The following KAZN variants were observed in gnomAD, a reference collection of about 807,000 sequenced individuals.
The protein encoded by KAZN is kazrin.
In KAZN, 40 loss-of-function variants were observed where a neutral mutation model predicts 87.4. The ratio of observed to expected loss-of-function variants is 0.46; its 90% confidence interval spans 0.36 to 0.60. KAZN has a LOEUF of 0.60. Among genes scored for constraint, KAZN ranks in the 20% least tolerant of loss-of-function variants. KAZN has a pLI of 0.00. For synonymous variants in KAZN, 466 were observed against 458.3 expected, an observed-to-expected ratio of 1.02 and a Z score of -0.22; for missense variants, 898 against 1,073.9, an observed-to-expected ratio of 0.84 and a Z score of 2.29.
rs962718802 is a variant in KAZN at position 14,956,419 on chromosome 1, G to A, written c.227-4265G>A. The stretch of plus-strand genomic sequence containing the variant: ...GTTCGAGACCAGCCTAGCCAACATG[G>A]TGAAACCCCATCTCTACTAAAAATA... On this transcript the variant is annotated intron_variant, in intron 1 of 14. Coordinates refer to ENST00000376030, the MANE Select transcript of KAZN (RefSeq NM_201628.3). 3.3e-5 allele frequency among the ~76,000 whole-genome samples: 5 copies of A among 151,726 alleles called. No individual in the cohort carries two copies. In the East Asian group the frequency reaches 9.6e-4, roughly 29 times the overall value.
intron 1 of KAZN, among the ~76,000 whole-genome samples, chr1:14,070,722 G>A (rs1289413573): frequency 6.6e-6 from 1 of 152,154 alleles, no homozygotes; most frequent in East Asian, 1.9e-4. Flanking sequence ...TACACATATT[G>A]TTTTAAAGCA....
rs141881225 is a variant in KAZN at position 15,060,248 on chromosome 1, G to A, written c.993G>A (p.Ser331=). ...SDASAAEGDR[S]STPSDINSPR... is the part of the protein sequence containing the mutation. ...CATCTGCCGCCGAAGGCGACCGGTC[G>A]TCCACACCGAGCGACATCAACTCCC... is the stretch of plus-strand genomic sequence containing the variant. The change falls in exon 6 of 15, where the codon TCG becomes TCA. Residue 331 remains serine (S), a synonymous_variant. Transcript: ENST00000376030. 16 of 1,614,050 alleles carry A rather than the reference G, an allele frequency of 9.9e-6. No homozygotes were observed. The African/African-American group carries it at 1.2e-4, about 12-fold the overall frequency.
chr1:14,650,895 A>T (rs956979900), intron 1 of KAZN, among the ~76,000 whole-genome samples: 11 of 152,192 alleles, frequency 7.2e-5, no homozygotes, highest in African/African-American at 2.7e-4. Context: ...TGGTTTAGGA[A>T]ATCAAGGAGA....
chr1:14,855,023 C>G (rs1449793398), intron 1 of KAZN, among the ~76,000 whole-genome samples: 1 of 151,878 alleles, frequency 6.6e-6, no homozygotes, highest in South Asian at 2.1e-4. Context: ...CACACAGGTG[C>G]AATTATTCCA....
intron 2 of KAZN, among the ~76,000 whole-genome samples, chr1:15,005,360 G>T (rs1668894833): frequency 6.6e-6 from 1 of 152,158 alleles, no homozygotes; most frequent in Non-Finnish European, 1.5e-5. Context: ...TCGATGCTGT[G>T]TGCACCCTGC....
At chr1:13,942,838 C>G (rs1379949382) in intron 1 of KAZN, among the ~76,000 whole-genome samples, 1 of 152,068 alleles carries the variant, frequency 6.6e-6, no homozygotes, top group African/African-American at 2.4e-5. Context: ...CTGAGAAGTA[C>G]TTTAGCTAAA....
At chr1:14,271,395 C>T (rs1010798616) in intron 2 of KAZN, among the ~76,000 whole-genome samples, 5 of 152,154 alleles carry the variant, frequency 3.3e-5, no homozygotes, top group Admixed American at 3.3e-4. Flanking sequence ...TCTTAGCTAC[C>T]CAGTTGTGAT....
intron 2 of KAZN, among the ~76,000 whole-genome samples, chr1:14,551,664 G>A (rs1156230486): frequency 6.6e-6 from 1 of 152,182 alleles, no homozygotes. Flanking sequence ...TGGTGAGTTA[G>A]TGGGTGGAGG....
At chr1:14,992,288 A>G (rs550194297) in intron 2 of KAZN, among the ~76,000 whole-genome samples, 2 of 152,228 alleles carry the variant, frequency 1.3e-5, no homozygotes, top group East Asian at 3.9e-4. Flanking sequence ...AGATGGGAGC[A>G]CTCCAGGAAT....
chr1:14,869,603 G>T (rs1210151850), intron 1 of KAZN, among the ~76,000 whole-genome samples: 1 of 152,216 alleles, frequency 6.6e-6, no homozygotes, highest in Non-Finnish European at 1.5e-5. Context: ...AATTGAAAGG[G>T]TCTTCTCCTC....
chr1:14,425,307 C>T (rs559036914), intron 2 of KAZN, among the ~76,000 whole-genome samples: 2 of 152,312 alleles, frequency 1.3e-5, no homozygotes, highest in African/African-American at 4.8e-5. Context: ...GCATCTGGAA[C>T]ACTGGTTGGT....
chr1:15,034,893 G>A lies in KAZN; in HGVS notation c.555+8G>A, dbSNP rs368581216. The A allele has an allele frequency of 1.6e-5, 26 of 1,612,794 alleles. No homozygotes were observed. Among genetic ancestry groups the A allele is most frequent in the Non-Finnish European group, 2.0e-5 (24 of 1,179,746 alleles). On this transcript the variant is annotated splice_region_variant and intron_variant, in intron 3 of 14. Coordinates refer to ENST00000376030, the MANE Select transcript of KAZN (RefSeq NM_201628.3). ...TATGAGCAGCACCGCAAGGTCAGCC[G>A]CCGCCCTGCCCTCCCCTCCCCTCCC...
At chr1:13,914,673 C>A (rs1006350099) in intron 1 of KAZN, among the ~76,000 whole-genome samples, 2 of 152,154 alleles carry the variant, frequency 1.3e-5, no homozygotes, top group Non-Finnish European at 2.9e-5. Flanking sequence ...AACCTTAGAG[C>A]CCTTAAGAAT....
chr1:14,351,787 T>A (rs969897297), intron 2 of KAZN, among the ~76,000 whole-genome samples: 2 of 152,198 alleles, frequency 1.3e-5, no homozygotes, highest in African/African-American at 4.8e-5. Context: ...AGACCCCGTA[T>A]GCAATATACT....
intron 1 of KAZN, among the ~76,000 whole-genome samples, chr1:14,139,019 C>T (rs986000437): frequency 8.5e-5 from 13 of 152,214 alleles, no homozygotes; most frequent in African/African-American, 3.1e-4. Context: ...CCCAGAAAAG[C>T]GGCAGCCTTC....
In KAZN at chr1:15,066,454, C is replaced by T; in HGVS notation, c.1222+701C>T. Reference sequence around the variant, plus strand: ...AAGCTCTGCTCTCTACAAAGACTCGCGAGCCGGGCCAAGGGGCCTTGTCTT... The same window carrying T: ...AAGCTCTGCTCTCTACAAAGACTCGTGAGCCGGGCCAAGGGGCCTTGTCTT... On this transcript the variant is annotated intron_variant, in intron 8 of 14. Coordinates refer to ENST00000376030, the MANE Select transcript of KAZN (RefSeq NM_201628.3). This position sits in a 1 kb window ranked among gnomAD's most constrained non-coding sequence, Gnocchi z 4.3. 4.1e-6 allele frequency: 4 copies of T among 985,290 alleles called. No individual in the cohort carries two copies. Among genetic ancestry groups the T allele is most frequent in the Non-Finnish European group, 3.6e-6 (3 of 829,928 alleles). The allele number at this position is 985,290 out of a possible 1,614,324, so 61.0% of individuals were successfully genotyped here. A position where few individuals can be genotyped will look rare whatever the true frequency, so the allele number is the denominator to read the frequency against.
At chr1:14,681,619 A>ATATATATATATATATGTG (rs1640595550) in intron 1 of KAZN, among the ~76,000 whole-genome samples, 1 of 7,126 alleles carries the variant, frequency 1.4e-4, no homozygotes, top group African/African-American at 5.3e-4. Context: ...ATGTGTATAT[A>ATATATATATATATATGTG]TATATATATA....
At chr1:14,051,918 G>A (rs574909832) in intron 1 of KAZN, among the ~76,000 whole-genome samples, 4 of 152,296 alleles carry the variant, frequency 2.6e-5, no homozygotes, top group Admixed American at 2.6e-4. Flanking sequence ...TACCATGCCT[G>A]TCCTATGTTC....
chr1:14,630,838 TTTG>T (rs1679508383), intron 1 of KAZN, among the ~76,000 whole-genome samples: 1 of 152,188 alleles, frequency 6.6e-6, no homozygotes, highest in African/African-American at 2.4e-5. Flanking sequence ...TCTCTGAAGC[TTTG>T]TTTTCTCATC....
Sources: gnomAD v4.1 joint callset for allele counts (sites outside exome capture counted in the v4.1 genomes callset) on GRCh38, gnomAD v4.1.1 for gene constraint, Gnocchi (gnomAD v3.1) non-coding constraint, MANE v1.5 for transcripts, NCBI Gene and HGNC (gene_info 2026-07-23, HGNC 2026-07-21) for gene names.